PCNX4: variants seen among roughly 807,000 people sequenced by gnomAD.
The protein encoded by PCNX4 is pecanex 4.
PCNX4 carries 103 observed loss-of-function variants against 107.2 expected under a neutral mutation model. That is an observed-to-expected ratio of 0.96 (90% CI 0.82 to 1.13). The LOEUF (loss-of-function observed/expected upper bound fraction) is 1.13, where lower values mean the gene tolerates loss of function less well. PCNX4 is among the 50% of genes most tolerant of loss of function. The probability of loss-of-function intolerance (pLI) is 0.00; values close to 1 mark genes in which losing one functional copy is unlikely to be tolerated. For synonymous variants in PCNX4, 541 were observed against 481.7 expected, an observed-to-expected ratio of 1.12 and a Z score of -1.61; for missense variants, 1,528 against 1,379.4, an observed-to-expected ratio of 1.11 and a Z score of -1.71.
In PCNX4 at chr14:60,125,231, A is replaced by T; in HGVS notation, c.3060A>T (p.Gln1020His). 3 of 1,578,734 alleles carry T rather than the reference A, an allele frequency of 1.9e-6. No homozygotes were observed. The South Asian group carries it at 3.6e-5, about 19-fold the overall frequency. ...DWLTEKPELFQLALKAFRYTL... is the reference protein window; with the variant it reads ...DWLTEKPELFHLALKAFRYTL... ...TCACAGAAAAGCCAGAACTGTTTCA[A>T]CTAGCACTGAAAGCATTCAGGTAAT... The change falls in exon 9 of 11, where the codon CAA becomes CAT. Residue 1020 changes from glutamine (Q) to histidine (H), a missense_variant. Gln to His is a conservative substitution (Grantham distance 24, BLOSUM62 0). Transcript: ENST00000406854.
In PCNX4 at chr14:60,114,700, G is replaced by A. The variant is rs547576338; in HGVS notation, c.690G>A (p.Arg230=). Residue 230 remains arginine (R), a splice_region_variant and synonymous_variant, in exon 3 of 11, where the codon AGG becomes AGA. Transcript: ENST00000406854. ...TTAAATGTTCTTTTTTTTTATATAG[G>A]TTTGTGGTAAATATGCCAGCTCTAG... is the stretch of plus-strand genomic sequence containing the variant. The part of the protein sequence containing the change: ...FFFVSVDLAH[R]FVVNMPALEH... 3.1e-6 allele frequency: 5 copies of A among 1,605,482 alleles called. No individual in the cohort carries two copies. The highest frequency in any genetic ancestry group is 3.4e-6 in the Non-Finnish European group (4 of 1,175,242).
intron 1 of PCNX4, among the ~76,000 whole-genome samples, chr14:60,094,293 C>T (rs1477768781): frequency 1.5e-5 from 2 of 132,648 alleles, no homozygotes; most frequent in Non-Finnish European, 3.3e-5. Flanking sequence ...TCCTCTTGGA[C>T]CCACTTTTCT....
rs1896319139 is a variant in PCNX4 at position 60,142,550 on chromosome 14, T to C, written c.*8329T>C. 1 of 152,212 alleles carries C rather than the reference T, an allele frequency of 6.6e-6. No homozygotes were observed. Among genetic ancestry groups the C allele is most frequent in the East Asian group, 1.9e-4 (1 of 5,204 alleles). The allele number at this position is 152,212 out of a possible 1,614,324, so 9.4% of individuals were successfully genotyped here. ...AATAAATACTTTAAAAAAAGTTAAA[T>C]GTGAACATTTGGCTTTCACAGCTCT... On this transcript the variant is annotated 3_prime_UTR_variant, in exon 11 of 11. Transcript: ENST00000406854. This position sits in a 1 kb window ranked among gnomAD's most constrained non-coding sequence, Gnocchi z 4.7.
In PCNX4 at chr14:60,141,080, C is replaced by T. The variant is rs1400825637; in HGVS notation, c.*6859C>T. On this transcript the variant is annotated 3_prime_UTR_variant, in exon 11 of 11. Coordinates refer to ENST00000406854, the MANE Select transcript of PCNX4 (RefSeq NM_001330177.2). ...CCCTTCCTGAAAGAGTCTGCTTTTA[C>T]TCTATTCTTGTGGTAGACAAAGTCT... The T allele has an allele frequency of 6.6e-6, 1 of 152,242 alleles. No individual in the cohort carries two copies. Among genetic ancestry groups the T allele is most frequent in the Non-Finnish European group, 1.5e-5 (1 of 68,060 alleles). 9.4% of individuals were successfully genotyped at this position (152,242 alleles called of 1,614,324 possible).
At position 60,115,275 on chromosome 14, in the gene PCNX4, G is replaced by A. The variant is rs1895824194; in HGVS notation, c.1171G>A (p.Val391Met). 6.2e-7 allele frequency: 1 copy of A among 1,610,986 alleles called. No individual in the cohort carries two copies. The highest frequency in any genetic ancestry group is 8.5e-7 in the Non-Finnish European group (1 of 1,177,526). Residue 391 changes from valine to methionine, a missense_variant, in exon 4 of 11, where the codon GTG (valine) becomes ATG (methionine). By Grantham distance (21) the Val-to-Met change is conservative. Coordinates refer to ENST00000406854, the MANE Select transcript of PCNX4 (RefSeq NM_001330177.2). The stretch of plus-strand genomic sequence containing the variant: ...TTCTAAAAGCAATTCCCAGGCTATT[G>A]TGGGCTATGGTTTGATGATATTACT... Reference protein sequence around the residue: ...QISKSNSQAIVGYGLMILLII... With the variant: ...QISKSNSQAIMGYGLMILLII...
At chr14:60,093,732 G>T (rs1309218940) in intron 1 of PCNX4, among the ~76,000 whole-genome samples, 2 of 152,126 alleles carry the variant, frequency 1.3e-5, no homozygotes, top group Admixed American at 6.5e-5. Context: ...GGGTTATATG[G>T]TAACTCTATG....
chr14:60,122,248 C>T (rs1268276568), intron 8 of PCNX4, among the ~76,000 whole-genome samples: 1 of 152,142 alleles, frequency 6.6e-6, no homozygotes, highest in Non-Finnish European at 1.5e-5. Context: ...CTACAGTATA[C>T]TGTCAGCCAG....
At chr14:60,115,684 C>T (rs1346243416) in intron 4 of PCNX4, 35 bp from the exon 5 acceptor site, 1 of 1,561,942 alleles carries the variant, frequency 6.4e-7, no homozygotes, top group Admixed American at 1.8e-5. Context: ...GCTATTTTGC[C>T]TTAATTAAAT....
At chr14:60,122,096 C>T (rs540333157) in intron 8 of PCNX4, among the ~76,000 whole-genome samples, 1 of 152,168 alleles carries the variant, frequency 6.6e-6, no homozygotes, top group East Asian at 1.9e-4. Flanking sequence ...CCCAGTCCGA[C>T]AAGAAATCCT....
Position 60,124,977 on chromosome 14 carries a change from G to A in PCNX4, c.2806G>A (p.Asp936Asn), listed in dbSNP as rs752433727. The A allele has an allele frequency of 6.2e-7, 1 of 1,613,840 alleles. No individual in the cohort carries two copies. Among genetic ancestry groups the A allele is most frequent in the African/African-American group, 1.3e-5 (1 of 75,036 alleles). The change falls in exon 9 of 11, where the codon GAC becomes AAC. Residue 936 changes from aspartate to asparagine, a missense_variant. Transcript: ENST00000406854. Reference sequence around the variant, plus strand: ...GGAGATGAGCTCGTTATTTCCAGAAGACTGGTACCAATTTGTTCTAAGGCA... The same window carrying A: ...GGAGATGAGCTCGTTATTTCCAGAAAACTGGTACCAATTTGTTCTAAGGCA... Reference protein sequence around the residue: ...MKEMSSLFPEDWYQFVLRQLE... With the variant: ...MKEMSSLFPENWYQFVLRQLE...
intron 1 of PCNX4, among the ~76,000 whole-genome samples, chr14:60,096,589 G>A (rs1895429435): frequency 6.6e-6 from 1 of 152,238 alleles, no homozygotes; most frequent in South Asian, 2.1e-4. Flanking sequence ...ACGGCCATAA[G>A]TTAGTGCCAC....
At position 60,139,432 on chromosome 14, in the gene PCNX4, T is replaced by A. The variant is rs1161314361; in HGVS notation, c.*5211T>A. ...CACCAGAAAGTTTCAACAGGTCTAA[T>A]ATTTTAATGATTTAACAATATAGCC... On this transcript the variant is annotated 3_prime_UTR_variant, in exon 11 of 11. Transcript: ENST00000406854. 6.6e-6 allele frequency: 1 copy of A among 152,154 alleles called. No individual in the cohort carries two copies. Among genetic ancestry groups the A allele is most frequent in the Non-Finnish European group, 1.5e-5 (1 of 67,954 alleles). 9.4% of individuals were successfully genotyped at this position (152,154 alleles called of 1,614,324 possible). A position where few individuals can be genotyped will look rare whatever the true frequency, so the allele number is the denominator to read the frequency against.
Position 60,108,262 on chromosome 14 carries a change from T to C in PCNX4, c.624T>C (p.Tyr208=), listed in dbSNP as rs373614260. Residue 208 remains tyrosine, a synonymous_variant, in exon 2 of 11, where the codon TAT becomes TAC. Coordinates refer to ENST00000406854, the MANE Select transcript of PCNX4 (RefSeq NM_001330177.2). ...ETATFQTQDT[Y]EIIPLMRPLY... is the part of the protein sequence containing the mutation. ...CGACTTTCCAAACACAGGATACTTA[T>C]GAAATTATTCCTCTTATGAGACCTC... 8.1e-6 allele frequency: 13 copies of C among 1,612,608 alleles called. No individual in the cohort carries two copies. Among genetic ancestry groups the C allele is most frequent in the African/African-American group, 4.0e-5 (3 of 74,930 alleles).
intron 1 of PCNX4, among the ~76,000 whole-genome samples, chr14:60,094,974 T>TA (rs1283486766): frequency 6.6e-6 from 1 of 152,184 alleles, no homozygotes; most frequent in African/African-American, 2.4e-5. Context: ...ATTCACCTGA[T>TA]ACTTGATTTT....
In PCNX4 at chr14:60,141,416, CATT is replaced by C. The variant is rs1396290457; in HGVS notation, c.*7201_*7203del. The C allele has an allele frequency of 3.3e-5, 5 of 152,062 alleles. No homozygotes were observed. The highest frequency in any genetic ancestry group is 4.8e-5 in the African/African-American group (2 of 41,414). The allele number at this position is 152,062 out of a possible 1,614,324, so 9.4% of individuals were successfully genotyped here. A position where few individuals can be genotyped will look rare whatever the true frequency, so the allele number is the denominator to read the frequency against. ...ACTGACAAAAAGAAAAAACACAAAT[CATT>C]ATTATCAAGAATGAAATGAAGAGTA... On this transcript the variant is annotated 3_prime_UTR_variant, in exon 11 of 11. Transcript: ENST00000406854.
chr14:60,141,641 A>C lies in PCNX4; in HGVS notation c.*7420A>C, dbSNP rs1896307339. On this transcript the variant is annotated 3_prime_UTR_variant, in exon 11 of 11. Transcript: ENST00000406854. ...ATAATTTAAAATCTCCTGATAAAAG[A>C]AATCTCCAGACCCAGATGCCCTGGC... 1.2e-5 allele frequency: 1 copy of C among 85,898 alleles called. No homozygotes were observed. The highest frequency in any genetic ancestry group is 5.3e-4 in the South Asian group (1 of 1,888). 5.3% of individuals were successfully genotyped at this position (85,898 alleles called of 1,614,324 possible).
At chr14:60,094,625 G>A (rs577680571) in intron 1 of PCNX4, among the ~76,000 whole-genome samples, 33 of 151,962 alleles carry the variant, frequency 2.2e-4, no homozygotes, top group African/African-American at 8.0e-4. Context: ...ATATCCTGCC[G>A]GGCAGCAAAC....
chr14:60,106,503 G>A (rs1472778219), intron 1 of PCNX4, among the ~76,000 whole-genome samples: 1 of 152,216 alleles, frequency 6.6e-6, no homozygotes, highest in Non-Finnish European at 1.5e-5. Flanking sequence ...AGGGCCAGCT[G>A]TACTTGCAGG....
chr14:60,108,991 A>G (rs932063632), intron 2 of PCNX4: 4 of 166,728 alleles, frequency 2.4e-5, no homozygotes, highest in Non-Finnish European at 5.9e-5. Flanking sequence ...GTCTCTCCAG[A>G]ATTCATATAT....
Sources: gnomAD v4.1 joint callset for allele counts (sites outside exome capture counted in the v4.1 genomes callset) on GRCh38, gnomAD v4.1.1 for gene constraint, Gnocchi (gnomAD v3.1) non-coding constraint, MANE v1.5 for transcripts, NCBI Gene and HGNC (gene_info 2026-07-23, HGNC 2026-07-21) for gene names.